RASA1: variants seen among roughly 807,000 people sequenced by gnomAD.
The protein encoded by RASA1 is ras GTPase-activating protein 1.
RASA1 carries 25 observed loss-of-function variants against 132.2 expected under a neutral mutation model. The observed-to-expected ratio is 0.19, with a 90% CI of 0.14 to 0.26. The LOEUF is 0.26. Ranked by LOEUF, RASA1 falls within the 10% of genes least tolerant of loss-of-function variation. RASA1 has a pLI of 1.00. For synonymous variants in RASA1, 477 were observed against 449.9 expected, an observed-to-expected ratio of 1.06 and a Z score of -0.76; for missense variants, 964 against 1,299.2, an observed-to-expected ratio of 0.74 and a Z score of 3.97.
At chr5:87,294,044 A>G (rs985708020) in intron 1 of RASA1, 9 of 151,888 alleles carry the variant, frequency 5.9e-5, no homozygotes, top group African/African-American at 2.2e-4. Flanking sequence ...AATTTACTCT[A>G]TTGATTTCCT....
chr5:87,321,051 C>G (rs146960043), intron 1 of RASA1, among the ~76,000 whole-genome samples: 1 of 151,978 alleles, frequency 6.6e-6, no homozygotes, highest in African/African-American at 2.4e-5. Context: ...GAAGAAAGAG[C>G]CTATTAGGGA....
rs7715868 is a variant in RASA1, at chr5:87,386,805, C to T, written c.2848-21C>T. The T allele has an allele frequency of 4.1e-3, 6,643 of 1,604,436 alleles. 86 individuals carry two copies. The highest frequency in any genetic ancestry group is 0.041 in the African/African-American group (3,067 of 74,742). ...AGTGGTTTGTTTCTGGTGCATATAACAGAAGCATTTTATTTTTCAGGAGCC... is the reference window on the plus strand; with the variant it reads ...AGTGGTTTGTTTCTGGTGCATATAATAGAAGCATTTTATTTTTCAGGAGCC... On this transcript the variant is annotated intron_variant, in intron 22 of 24. Coordinates refer to ENST00000274376, the MANE Select transcript of RASA1 (RefSeq NM_002890.3).
At chr5:87,389,779 C>T (rs1762353033) in intron 24 of RASA1, among the ~76,000 whole-genome samples, 2 of 152,168 alleles carry the variant, frequency 1.3e-5, no homozygotes, top group Non-Finnish European at 2.9e-5. Context: ...AGTGTAATAA[C>T]ACTTTGGTAG....
chr5:87,269,419 A>G, intron 1 of RASA1: 1 of 1,116,656 alleles, frequency 9.0e-7, no homozygotes, highest in Non-Finnish European at 1.3e-6. Flanking sequence ...CGAGTACTAT[A>G]GTAATAATTT....
At chr5:87,295,785 T>C (rs950231212) in intron 1 of RASA1, among the ~76,000 whole-genome samples, 3 of 151,614 alleles carry the variant, frequency 2.0e-5, no homozygotes, top group Non-Finnish European at 4.4e-5. Context: ...GTGCTGGGAT[T>C]ATAGGCATGA....
Position 87,272,894 on chromosome 5 carries a change from CTTAAAGACAT to C in RASA1, c.539+3907_539+3916del, listed in dbSNP as rs1455186351. Among the ~76,000 whole-genome samples the C allele has an allele frequency of 3.3e-5, 5 of 152,032 alleles. No homozygotes were observed. In the East Asian group the frequency reaches 9.6e-4, roughly 29 times the overall value. The stretch of plus-strand genomic sequence containing the variant: ...CATATTTTTAAGTGGAAGGAAAAGC[CTTAAAGACAT>C]TTTCAAATAATATTTATCTTTTGTA... On this transcript the variant is annotated intron_variant, in intron 1 of 24. Coordinates refer to ENST00000274376, the MANE Select transcript of RASA1 (RefSeq NM_002890.3).
Position 87,374,147 on chromosome 5 carries a change from A to G in RASA1, c.1777-16A>G. ...AATCTGGGGTAATATATATATATAT[A>G]TTTTTTTTTTTTTAGGTCAGCAGCC... On this transcript the variant is annotated splice_polypyrimidine_tract_variant and intron_variant, in intron 13 of 24. Transcript: ENST00000274376. 12 of 1,006,770 alleles carry G rather than the reference A, an allele frequency of 1.2e-5. No individual in the cohort carries two copies. Among genetic ancestry groups the G allele is most frequent in the Non-Finnish European group, 1.6e-5 (12 of 762,014 alleles). The allele number at this position is 1,006,770 out of a possible 1,614,324, so 62.4% of individuals were successfully genotyped here.
chr5:87,291,345 C>G (rs1754902771), intron 1 of RASA1, among the ~76,000 whole-genome samples: 1 of 152,004 alleles, frequency 6.6e-6, no homozygotes, highest in Admixed American at 6.6e-5. Flanking sequence ...GCTTGGCCAA[C>G]ATGAGACTGC....
At chr5:87,366,894 T>C (rs1200675222) in intron 11 of RASA1, among the ~76,000 whole-genome samples, 1 of 152,076 alleles carries the variant, frequency 6.6e-6, no homozygotes, top group Non-Finnish European at 1.5e-5. Context: ...TAGCCAGGTG[T>C]GGTGATGCAC....
chr5:87,364,020 A>G (rs540165174), intron 11 of RASA1, among the ~76,000 whole-genome samples: 3 of 152,336 alleles, frequency 2.0e-5, no homozygotes, highest in African/African-American at 7.2e-5. Context: ...TAAACATCAG[A>G]AGACAAATCC....
chr5:87,389,942 T>G (rs1762368352), intron 24 of RASA1, among the ~76,000 whole-genome samples: 1 of 152,220 alleles, frequency 6.6e-6, no homozygotes, highest in African/African-American at 2.4e-5. Context: ...TTGGGATGTT[T>G]GTCAAATTTC....
chr5:87,347,576 A>G (rs1189603547), intron 7 of RASA1, among the ~76,000 whole-genome samples: 3 of 152,018 alleles, frequency 2.0e-5, no homozygotes, highest in Admixed American at 6.6e-5. Flanking sequence ...TGATAACCCT[A>G]ATTATAGAGG....
intron 9 of RASA1, among the ~76,000 whole-genome samples, chr5:87,356,239 C>G (rs1179368174): frequency 6.6e-6 from 1 of 152,086 alleles, no homozygotes; most frequent in East Asian, 1.9e-4. Context: ...TCAATTGATG[C>G]AGCAGACTTC....
At chr5:87,387,210 C>T (rs764613859) in intron 23 of RASA1, among the ~76,000 whole-genome samples, 28 of 152,070 alleles carry the variant, frequency 1.8e-4, no homozygotes, top group Non-Finnish European at 2.8e-4. Flanking sequence ...ACTGCCATGA[C>T]ATTCTGTTGC....
At chr5:87,372,407 C>T (rs908795820) in intron 13 of RASA1, among the ~76,000 whole-genome samples, 5 of 152,094 alleles carry the variant, frequency 3.3e-5, no homozygotes, top group African/African-American at 9.7e-5. Context: ...AAAGATTATT[C>T]TTCCACTTTA....
At chr5:87,332,276 G>A (rs1757661144) in intron 2 of RASA1, among the ~76,000 whole-genome samples, 1 of 151,994 alleles carries the variant, frequency 6.6e-6, no homozygotes, top group East Asian at 1.9e-4. Context: ...TGTAATTGAG[G>A]TTTATAAGCC....
At chr5:87,336,328 A>G (rs893678764) in intron 4 of RASA1, among the ~76,000 whole-genome samples, 1 of 152,092 alleles carries the variant, frequency 6.6e-6, no homozygotes, top group Non-Finnish European at 1.5e-5. Flanking sequence ...GCCATTTAGG[A>G]TGTCATTTTT....
At position 87,376,580 on chromosome 5, in the gene RASA1, A is replaced by G. The variant is rs1761342713; in HGVS notation, c.2184+15A>G. 6.2e-7 allele frequency: 1 copy of G among 1,608,366 alleles called. No homozygotes were observed. Among genetic ancestry groups the G allele is most frequent in the African/African-American group, 1.3e-5 (1 of 74,928 alleles). On this transcript the variant is annotated intron_variant, in intron 16 of 24. Transcript: ENST00000274376. ...AATTTAAAGAGGTATTAAATTATTTATCAGTCTTGTTTTTGTTGGAATTAA... is the reference window on the plus strand; with the variant it reads ...AATTTAAAGAGGTATTAAATTATTTGTCAGTCTTGTTTTTGTTGGAATTAA...
intron 20 of RASA1, among the ~76,000 whole-genome samples, chr5:87,383,396 A>G (rs1475116460): frequency 6.6e-6 from 1 of 152,176 alleles, no homozygotes; most frequent in African/African-American, 2.4e-5. Context: ...TCAAATGACC[A>G]CTAGCCTGGA....
Sources: gnomAD v4.1 joint callset for allele counts (sites outside exome capture counted in the v4.1 genomes callset) on GRCh38, gnomAD v4.1.1 for gene constraint, MANE v1.5 for transcripts, NCBI Gene and HGNC (gene_info 2026-07-23, HGNC 2026-07-21) for gene names.